Variants in ME2 observed in about 807,000 individuals in gnomAD.
ME2 encodes NAD-dependent malic enzyme, mitochondrial.
In ME2, 60 loss-of-function variants were observed where a neutral mutation model predicts 73.7. The ratio of observed to expected loss-of-function variants is 0.81; its 90% CI spans 0.66 to 1.01. The LOEUF is 1.01. Ranked by LOEUF, ME2 falls within the 50% of genes least tolerant of loss-of-function variation. The pLI is 0.00. For missense variants in ME2, 594 were observed against 705.5 expected, an observed-to-expected ratio of 0.84 and a Z score of 1.79; for synonymous variants, 199 against 236.9, an observed-to-expected ratio of 0.84 and a Z score of 1.47.
chr18:50,909,935 G>A (rs925017052), intron 3 of ME2, among the ~76,000 whole-genome samples: 1 of 152,132 alleles, frequency 6.6e-6, no homozygotes, highest in African/African-American at 2.4e-5. Context: ...CTCCGAAGCT[G>A]GAATAAACAT....
intron 4 of ME2, among the ~76,000 whole-genome samples, chr18:50,914,413 A>G (rs182862651): frequency 1.7e-4 from 26 of 152,334 alleles, no homozygotes; most frequent in Admixed American, 1.5e-3. Context: ...GAGTTTCACA[A>G]AAGAGCCTGG....
intron 10 of ME2, among the ~76,000 whole-genome samples, chr18:50,923,693 C>T (rs545225794): frequency 6.6e-6 from 1 of 152,210 alleles, no homozygotes; most frequent in South Asian, 2.1e-4. Context: ...GTAGAGGCTG[C>T]CACTGCACTC....
chr18:50,922,806 T>C (rs1022818620), intron 10 of ME2, among the ~76,000 whole-genome samples: 7 of 152,206 alleles, frequency 4.6e-5, no homozygotes, highest in African/African-American at 1.7e-4. Context: ...TTGAAAACAG[T>C]GGCTTCTTAT....
intron 1 of ME2, among the ~76,000 whole-genome samples, chr18:50,892,168 A>G (rs533328850): frequency 2.0e-5 from 3 of 152,216 alleles, no homozygotes; most frequent in South Asian, 4.1e-4. Context: ...AAAAATGTTA[A>G]TATCTTTAAT....
chr18:50,925,931 T>G, intron 12 of ME2, 33 bp downstream of exon 12: 1 of 1,497,898 alleles, frequency 6.7e-7, no homozygotes, highest in Non-Finnish European at 9.3e-7. Flanking sequence ...ATATGTATAT[T>G]ATTTTCCCTC....
At chr18:50,895,758 A>C in intron 1 of ME2, 51 bp from the exon 2 acceptor site, 1 of 1,081,192 alleles carries the variant, frequency 9.2e-7, no homozygotes, top group Non-Finnish European at 1.4e-6. Flanking sequence ...ATGGACATGA[A>C]GGCCTATAAT....
intron 1 of ME2, among the ~76,000 whole-genome samples, chr18:50,884,801 T>A (rs2144177857): frequency 6.6e-6 from 1 of 151,826 alleles, no homozygotes; most frequent in East Asian, 1.9e-4. Flanking sequence ...CATTTTAGAT[T>A]TGCCTACCTT....
At chr18:50,909,575 T>C (rs143709178) in intron 3 of ME2, among the ~76,000 whole-genome samples, 113 of 152,282 alleles carry the variant, frequency 7.4e-4, no homozygotes, top group African/African-American at 2.5e-3. Context: ...ATTGAGTTTG[T>C]TAAGTATAGG....
intron 15 of ME2, among the ~76,000 whole-genome samples, chr18:50,946,044 G>A (rs2144277087): frequency 6.6e-6 from 1 of 152,228 alleles, no homozygotes; most frequent in Non-Finnish European, 1.5e-5. Context: ...TCCAGCCTGG[G>A]TGACAGAGCA....
chr18:50,916,092 A>C (rs1278676405), intron 4 of ME2, 76 bp from the exon 5 acceptor site: 2 of 1,000,988 alleles, frequency 2.0e-6, no homozygotes, highest in East Asian at 5.0e-5. Flanking sequence ...TTAAAATATC[A>C]AAATATTTCA....
chr18:50,902,337 T>C (rs2144208047), intron 2 of ME2, among the ~76,000 whole-genome samples: 1 of 152,370 alleles, frequency 6.6e-6, no homozygotes, highest in East Asian at 1.9e-4. Flanking sequence ...TAGAATTTTC[T>C]TCTGGTTATT....
intron 2 of ME2, among the ~76,000 whole-genome samples, chr18:50,904,279 GTT>G (rs35061724): frequency 7.3e-6 from 1 of 137,036 alleles, no homozygotes; most frequent in Non-Finnish European, 1.6e-5. Context: ...TCTTTCTTCT[GTT>G]TTTTTTTTTT....
chr18:50,894,876 CA>C (rs201413611), intron 1 of ME2, among the ~76,000 whole-genome samples: 973 of 76,658 alleles, frequency 0.013, 10 homozygotes, highest in East Asian at 0.11. Flanking sequence ...GACTCCATCT[CA>C]AAAAAAAAAA....
At chr18:50,939,455 G>A (rs1917893097) in intron 13 of ME2, 115 bp from the exon 14 acceptor site, 1 of 616,652 alleles carries the variant, frequency 1.6e-6, no homozygotes, top group South Asian at 2.1e-5. Flanking sequence ...TTTTCTGTTT[G>A]GGGGGAGCTG....
chr18:50,933,858 C>T (rs866478792), intron 13 of ME2: 2 of 152,220 alleles, frequency 1.3e-5, no homozygotes, highest in Middle Eastern at 3.4e-3. Flanking sequence ...TTGTTCCCTT[C>T]TTTGTGTCCA....
Position 50,912,908 on chromosome 18 carries a change from G to T in ME2, c.350G>T (p.Gly117Val). 1 of 1,611,914 alleles carries T rather than the reference G, an allele frequency of 6.2e-7. No individual in the cohort carries two copies. Among genetic ancestry groups the T allele is most frequent in the Non-Finnish European group, 8.5e-7 (1 of 1,179,200 alleles). The change falls in exon 4 of 16, where the codon GGT becomes GTT. Residue 117 changes from glycine (G) to valine (V), a missense_variant. By Grantham distance (109) the Gly-to-Val change is moderately radical. Transcript: ENST00000321341. ...LMPIVYTPTV[G>V]LACSQYGHIF... is the part of the protein sequence containing the mutation. The stretch of plus-strand genomic sequence containing the variant: ...CCAATTGTATATACACCGACGGTTG[G>T]TCTTGCCTGCTCCCAGTATGGACAC...
intron 12 of ME2, among the ~76,000 whole-genome samples, chr18:50,931,871 G>C (rs543260656): frequency 6.6e-6 from 1 of 151,970 alleles, no homozygotes; most frequent in African/African-American, 2.4e-5. Flanking sequence ...TTTTTGTAGA[G>C]ATAGGGGTTT....
rs764244043 is a variant in ME2, at chr18:50,952,880, T to C, written c.*5696T>C. The stretch of plus-strand genomic sequence containing the variant: ...GACACTGTTCTAAGGATCCGACATA[T>C]TTAATCCTCTGTTTACCCTCTGTTT... On this transcript the variant is annotated 3_prime_UTR_variant, in exon 16 of 16. Coordinates refer to ENST00000321341, the MANE Select transcript of ME2 (RefSeq NM_002396.5). 1 of 152,126 alleles carries C rather than the reference T, an allele frequency of 6.6e-6. No individual in the cohort carries two copies. The highest frequency in any genetic ancestry group is 2.4e-5 in the African/African-American group (1 of 41,424). The allele number at this position is 152,126 out of a possible 1,614,324, so 9.4% of individuals were successfully genotyped here. A position where few individuals can be genotyped will look rare whatever the true frequency, so the allele number is the denominator to read the frequency against.
chr18:50,930,312 T>A (rs1917662902), intron 12 of ME2, among the ~76,000 whole-genome samples: 1 of 152,178 alleles, frequency 6.6e-6, no homozygotes, highest in African/African-American at 2.4e-5. Flanking sequence ...TTACATAAAT[T>A]CTTTCTTAGT....
Sources: allele counts gnomAD v4.1 joint callset (sites outside exome capture counted in the v4.1 genomes callset), GRCh38; gene constraint gnomAD v4.1.1; transcripts MANE v1.5; gene names NCBI Gene and HGNC (gene_info 2026-07-23, HGNC 2026-07-21).